COX7B2: variants seen among roughly 807,000 people sequenced by gnomAD.
COX7B2 encodes the protein cytochrome c oxidase subunit 7B2, also known as cytochrome c oxidase subunit 7B2, mitochondrial.
For missense variants in COX7B2, 109 were observed against 95.9 expected (o/e 1.14, Z -0.57); for synonymous variants, 37 against 32.1 (o/e 1.15, Z -0.51).
intron 1 of COX7B2, among the ~76,000 whole-genome samples, chr4:46,884,425 T>C (rs1025135565): frequency 6.6e-6 from 1 of 152,210 alleles, no homozygotes; most frequent in Non-Finnish European, 1.5e-5. Context: ...TAATAGAAGG[T>C]TCCAATTTGT....
intron 1 of COX7B2, among the ~76,000 whole-genome samples, chr4:46,861,529 A>G (rs1717334019): frequency 6.6e-6 from 1 of 152,174 alleles, no homozygotes; most frequent in Admixed American, 6.5e-5. Context: ...AGAAGGCTTA[A>G]AAAAAAGAAA....
chr4:46,874,860 T>G (rs1164353226), intron 1 of COX7B2, among the ~76,000 whole-genome samples: 2 of 152,208 alleles, frequency 1.3e-5, no homozygotes, highest in Non-Finnish European at 2.9e-5. Context: ...TGTTTTTGTT[T>G]GTACATAGAC....
intron 2 of COX7B2, among the ~76,000 whole-genome samples, chr4:46,784,626 A>G (rs1717656216): frequency 6.6e-6 from 1 of 152,210 alleles, no homozygotes; most frequent in African/African-American, 2.4e-5. Flanking sequence ...CTGTCTCAAA[A>G]AAAAGACTTA....
At chr4:46,775,503 T>C (rs1198574364) in intron 2 of COX7B2, among the ~76,000 whole-genome samples, 1 of 152,154 alleles carries the variant, frequency 6.6e-6, no homozygotes, top group Non-Finnish European at 1.5e-5. Context: ...TCTTTTACTA[T>C]TTAGTGATGA....
intron 2 of COX7B2, among the ~76,000 whole-genome samples, chr4:46,812,100 A>C (rs139640969): frequency 2.0e-5 from 3 of 152,138 alleles, no homozygotes; most frequent in Non-Finnish European, 4.4e-5. Context: ...ATAATATAAT[A>C]CAGTATATAA....
chr4:46,737,043 G>A (rs1468928618), intron 2 of COX7B2, among the ~76,000 whole-genome samples: 2 of 152,110 alleles, frequency 1.3e-5, no homozygotes, highest in Admixed American at 6.6e-5. Flanking sequence ...CTTCCAAAGT[G>A]GCTGTACCAT....
intron 2 of COX7B2, among the ~76,000 whole-genome samples, chr4:46,767,777 T>C (rs1184646982): frequency 1.3e-5 from 2 of 152,186 alleles, no homozygotes; most frequent in African/African-American, 4.8e-5. Flanking sequence ...AAATATCTTT[T>C]AACAATGGAG....
intron 1 of COX7B2, among the ~76,000 whole-genome samples, chr4:46,896,342 A>G (rs987070090): frequency 4.6e-5 from 7 of 152,286 alleles, no homozygotes; most frequent in Admixed American, 2.0e-4. Flanking sequence ...GCTTTTTATC[A>G]CTGTAGCAGT....
At chr4:46,751,145 T>TC (rs1250517448) in intron 2 of COX7B2, among the ~76,000 whole-genome samples, 1 of 152,014 alleles carries the variant, frequency 6.6e-6, no homozygotes, top group Non-Finnish European at 1.5e-5. Flanking sequence ...ATTTTTTTTT[T>TC]AGTTTTGTTG....
chr4:46,867,541 A>T (rs866948120), intron 1 of COX7B2, among the ~76,000 whole-genome samples: 100 of 152,348 alleles, frequency 6.6e-4, no homozygotes, highest in African/African-American at 2.2e-3. Context: ...TGAATAGCCC[A>T]ACCCTTAATT....
chr4:46,833,817 G>C (rs1474391395), intron 2 of COX7B2, among the ~76,000 whole-genome samples: 1 of 152,026 alleles, frequency 6.6e-6, no homozygotes, highest in East Asian at 1.9e-4. Flanking sequence ...AAAGAAGTGT[G>C]CAAAAAAAAT....
chr4:46,806,505 C>A (rs536254585), intron 2 of COX7B2, among the ~76,000 whole-genome samples: 2 of 152,094 alleles, frequency 1.3e-5, no homozygotes, highest in South Asian at 4.2e-4. Context: ...ATTAACATAT[C>A]CACCATTTCA....
intron 2 of COX7B2, among the ~76,000 whole-genome samples, chr4:46,808,828 G>A (rs1023142286): frequency 6.6e-6 from 1 of 151,910 alleles, no homozygotes; most frequent in Admixed American, 6.6e-5. Context: ...TTAATGTGAT[G>A]TATCACATTG....
chr4:46,798,421 G>T (rs571656656), intron 2 of COX7B2, among the ~76,000 whole-genome samples: 2 of 152,202 alleles, frequency 1.3e-5, no homozygotes, highest in Non-Finnish European at 2.9e-5. Flanking sequence ...ACAGGTTCAG[G>T]TGGCTGTGCA....
intron 2 of COX7B2, among the ~76,000 whole-genome samples, chr4:46,836,950 A>G (rs1715555054): frequency 6.6e-6 from 1 of 152,152 alleles, no homozygotes; most frequent in East Asian, 1.9e-4. Flanking sequence ...CGGCACATGA[A>G]TATATATTGA....
At chr4:46,835,349 G>A (rs554733262) in intron 2 of COX7B2, among the ~76,000 whole-genome samples, 8 of 151,924 alleles carry the variant, frequency 5.3e-5, no homozygotes, top group South Asian at 4.2e-4. Context: ...TCTCTAGTGC[G>A]TAAACATCCT....
intron 2 of COX7B2, among the ~76,000 whole-genome samples, chr4:46,739,154 G>T (rs922649802): frequency 6.6e-5 from 10 of 152,014 alleles, no homozygotes; most frequent in Non-Finnish European, 7.4e-5. Flanking sequence ...CCAAGATTTT[G>T]CACATCTGAA....
At chr4:46,878,188 T>TA (rs960501190) in intron 1 of COX7B2, among the ~76,000 whole-genome samples, 14 of 151,584 alleles carry the variant, frequency 9.2e-5, no homozygotes, top group East Asian at 1.9e-4. Flanking sequence ...GAAGTTTTTT[T>TA]AAAAAAAAAT....
intron 1 of COX7B2, among the ~76,000 whole-genome samples, chr4:46,851,141 C>T (rs1047726188): frequency 1.3e-5 from 2 of 151,818 alleles, no homozygotes; most frequent in Non-Finnish European, 2.9e-5. Flanking sequence ...AGGTGACTCC[C>T]GAGAGGACTG....
Sources: allele counts gnomAD v4.1 joint callset (sites outside exome capture counted in the v4.1 genomes callset), GRCh38; gene constraint gnomAD v4.1.1; transcripts MANE v1.5; gene names NCBI Gene and HGNC (gene_info 2026-07-23, HGNC 2026-07-21).